Variants in INTS8 observed in about 807,000 individuals in gnomAD.
INTS8 encodes the protein integrator complex subunit 8, also known as protein kaonashi-1.
A neutral mutation model predicts 138.9 loss-of-function variants in INTS8; 47 were observed. The ratio of observed to expected loss-of-function variants is 0.34; its 90% CI spans 0.27 to 0.43. The LOEUF (loss-of-function observed/expected upper bound fraction) is 0.43. Among genes scored for constraint, INTS8 ranks in the 20% least tolerant of loss-of-function variants. The probability of loss-of-function intolerance (pLI) is 1.00; values close to 1 mark genes in which losing one functional copy is unlikely to be tolerated. For synonymous variants in INTS8, 392 were observed against 400.9 expected, an observed-to-expected ratio of 0.98 and a Z score of 0.27; for missense variants, 996 against 1,173.0, an observed-to-expected ratio of 0.85 and a Z score of 2.20.
intron 2 of INTS8, among the ~76,000 whole-genome samples, chr8:94,825,387 G>A (rs981326468): frequency 7.3e-5 from 11 of 151,456 alleles, no homozygotes; most frequent in African/African-American, 2.7e-4. Context: ...AGCCGAGATG[G>A]CGCTACTGCA....
rs34558403 is a variant in INTS8, at chr8:94,876,224, T to C, written c.2766T>C (p.His922=). The change falls in exon 25 of 27, where the codon CAT becomes CAC. Residue 922 remains histidine, a synonymous_variant. Coordinates refer to ENST00000523731, the MANE Select transcript of INTS8 (RefSeq NM_017864.4). ...GTAACTGAATTCTGTCTTTCAGTCA[T>C]GATGCTATGGACTCCTACTACGACT... ...AFKSLQEQNS[H]DAMDSYYDYI... The C allele has an allele frequency of 4.9e-4, 786 of 1,611,834 alleles. 2 individuals are homozygous for C. The African/African-American group carries it at 9.6e-3, about 20-fold the overall frequency.
At chr8:94,841,354 G>A (rs1239999379) in intron 8 of INTS8, 137 bp from the exon 9 acceptor site, 2 of 483,620 alleles carry the variant, frequency 4.1e-6, no homozygotes, top group Admixed American at 4.0e-5. Context: ...AGAATTTTAG[G>A]AAGAAAAGGT....
intron 20 of INTS8, 70 bp downstream of exon 20, chr8:94,867,407 A>T: frequency 1.8e-6 from 2 of 1,086,374 alleles, no homozygotes; most frequent in Non-Finnish European, 2.7e-6. Flanking sequence ...ACTAGTATAG[A>T]TACCCTTAGA....
intron 10 of INTS8, among the ~76,000 whole-genome samples, chr8:94,845,362 T>C (rs1815294633): frequency 6.6e-6 from 1 of 152,170 alleles, no homozygotes; most frequent in Non-Finnish European, 1.5e-5. Flanking sequence ...TATACATGTA[T>C]GGGCCTGTTT....
intron 18 of INTS8, chr8:94,866,434 A>G: frequency 2.2e-6 from 1 of 464,208 alleles, no homozygotes; most frequent in Non-Finnish European, 4.0e-6. Context: ...CTGGGACTAC[A>G]GGCACATGTA....
Position 94,880,297 on chromosome 8 carries a change from G to GTTTTAAACA in INTS8, c.*63_*64insTTTTAAACA. The GTTTTAAACA allele has an allele frequency of 1.2e-6, 1 of 864,200 alleles. No individual in the cohort carries two copies. The highest frequency in any genetic ancestry group is 1.8e-6 in the Non-Finnish European group (1 of 543,540). 53.5% of individuals were successfully genotyped at this position (864,200 alleles called of 1,614,324 possible). On this transcript the variant is annotated 3_prime_UTR_variant, in exon 27 of 27. Coordinates refer to ENST00000523731, the MANE Select transcript of INTS8 (RefSeq NM_017864.4). The stretch of plus-strand genomic sequence containing the variant: ...GGGCTAAAAATAAACAGTATTAAAA[G>GTTTTAAACA]GTTAAGTTTATATAATACATATGTA...
At chr8:94,836,044 G>A (rs1183477136) in intron 6 of INTS8, among the ~76,000 whole-genome samples, 1 of 152,188 alleles carries the variant, frequency 6.6e-6, no homozygotes, top group African/African-American at 2.4e-5. Context: ...GTAAGTCATA[G>A]CATTGAGAGT....
intron 20 of INTS8, among the ~76,000 whole-genome samples, chr8:94,869,916 G>T (rs1816330754): frequency 6.6e-6 from 1 of 152,204 alleles, no homozygotes. Context: ...CTCTGGGTCA[G>T]ACTCACGGGG....
chr8:94,845,602 A>G (rs146729122), intron 10 of INTS8, among the ~76,000 whole-genome samples: 1 of 152,276 alleles, frequency 6.6e-6, no homozygotes, highest in African/African-American at 2.4e-5. Context: ...AGCTGGGACT[A>G]CAGGCACGCG....
At chr8:94,875,770 T>C (rs1169466727) in intron 23 of INTS8, among the ~76,000 whole-genome samples, 3 of 152,188 alleles carry the variant, frequency 2.0e-5, no homozygotes, top group African/African-American at 7.2e-5. Flanking sequence ...ACACTCTGTA[T>C]GTCCTTGAAT....
At chr8:94,824,666 C>T (rs1814414802) in intron 1 of INTS8, among the ~76,000 whole-genome samples, 1 of 151,556 alleles carries the variant, frequency 6.6e-6, no homozygotes, top group Non-Finnish European at 1.5e-5. Context: ...ACCCTTCCTC[C>T]TTACCACTCT....
intron 6 of INTS8, among the ~76,000 whole-genome samples, chr8:94,832,564 G>A (rs1245446640): frequency 6.6e-6 from 1 of 152,122 alleles, no homozygotes; most frequent in Non-Finnish European, 1.5e-5. Context: ...GCTTTTCAGG[G>A]ATCTTAAGTT....
At chr8:94,838,384 G>A in intron 7 of INTS8, 79 bp from the exon 8 acceptor site, 1 of 1,258,376 alleles carries the variant, frequency 7.9e-7, no homozygotes, top group Non-Finnish European at 1.1e-6. Flanking sequence ...TCCTTGTACT[G>A]TTAAAACATG....
chr8:94,850,981 A>T (rs923121814), intron 12 of INTS8, among the ~76,000 whole-genome samples: 7 of 152,214 alleles, frequency 4.6e-5, no homozygotes, highest in African/African-American at 1.7e-4. Flanking sequence ...CCTTCACTAG[A>T]TTTAAACTGG....
intron 10 of INTS8, among the ~76,000 whole-genome samples, chr8:94,844,139 A>C (rs1815244262): frequency 1.3e-5 from 2 of 151,782 alleles, no homozygotes; most frequent in African/African-American, 4.8e-5. Context: ...CCCAGGTTCA[A>C]GCGATTCTCC....
intron 15 of INTS8, among the ~76,000 whole-genome samples, chr8:94,859,195 C>T (rs752118827): frequency 7.9e-5 from 12 of 151,842 alleles, no homozygotes; most frequent in Admixed American, 5.2e-4. Flanking sequence ...GTGGAAGGAT[C>T]GCTTGAGCCT....
chr8:94,853,939 A>G (rs953916639), intron 14 of INTS8, 24 bp downstream of exon 14: 8 of 1,352,092 alleles, frequency 5.9e-6, no homozygotes, highest in Non-Finnish European at 8.5e-6. Context: ...TGTATCAAAC[A>G]CTTGTTAAGA....
At chr8:94,823,701 C>T (rs1387295183) in intron 1 of INTS8, 140 bp downstream of exon 1, 4 of 653,754 alleles carry the variant, frequency 6.1e-6, no homozygotes, top group Admixed American at 3.4e-5. Context: ...GGCCGGGCTC[C>T]TCGCTTCCCT....
chr8:94,855,618 G>C (rs1815717672), intron 14 of INTS8, among the ~76,000 whole-genome samples: 1 of 152,174 alleles, frequency 6.6e-6, no homozygotes, highest in Admixed American at 6.5e-5. Context: ...TTCACAAAAA[G>C]TTTGTGGAAG....
Sources: gnomAD v4.1 joint callset for allele counts (sites outside exome capture counted in the v4.1 genomes callset) on GRCh38, gnomAD v4.1.1 for gene constraint, MANE v1.5 for transcripts, NCBI Gene and HGNC (gene_info 2026-07-23, HGNC 2026-07-21) for gene names.